OPN3: variants seen among roughly 807,000 people sequenced by gnomAD.
OPN3 encodes the protein opsin-3.
In OPN3, 29 loss-of-function variants were observed where a neutral mutation model predicts 33.8. The observed-to-expected ratio is 0.86, with a 90% CI of 0.64 to 1.17. The LOEUF (loss-of-function observed/expected upper bound fraction) is 1.17, where lower values mean the gene tolerates loss of function less well. Ranked by LOEUF, OPN3 falls within the 50% of genes most tolerant of loss-of-function variation. The probability of loss-of-function intolerance (pLI) is 0.00; values close to 1 mark genes in which losing one functional copy is unlikely to be tolerated. For synonymous variants in OPN3, 216 were observed against 216.1 expected, an observed-to-expected ratio of 1.00 and a Z score of 0.00; for missense variants, 437 against 514.1, an observed-to-expected ratio of 0.85 and a Z score of 1.45.
Position 241,639,939 on chromosome 1 carries a change from C to T in OPN3, c.316G>A (p.Gly106Ser), listed in dbSNP as rs750976831. The T allele has an allele frequency of 9.9e-6, 16 of 1,608,070 alleles. No individual in the cohort carries two copies. The African/African-American group carries it at 1.8e-4, about 18-fold the overall frequency. Residue 106 changes from glycine (G) to serine (S), a missense_variant, in exon 1 of 4, where the codon GGC (glycine) becomes AGC (serine). Physicochemically the swap from Gly to Ser is moderately conservative, Grantham distance 56. Transcript: ENST00000366554. ...TFTFVSCLRN[G>S]WVWDTVGCVW... ...CAGCCCACGGTGTCCCACACCCAGC[C>T]GTTCCTCAGGCAGGACACGAAGGTA... is the stretch of plus-strand genomic sequence containing the variant.
In OPN3 at chr1:241,604,555, G is replaced by A. The variant is rs752601680; in HGVS notation, c.398C>T (p.Thr133Ile). The A allele has an allele frequency of 2.5e-6, 4 of 1,611,764 alleles. No individual in the cohort carries two copies. In the South Asian group the frequency reaches 3.3e-5, roughly 13 times the overall value. Residue 133 changes from threonine (T) to isoleucine (I), a missense_variant, in exon 2 of 4, where the codon ACC becomes ATC. Thr to Ile is a moderately conservative substitution (Grantham distance 89). Coordinates refer to ENST00000366554, the MANE Select transcript of OPN3 (RefSeq NM_014322.3). ...AATGTAACGTTCATAGGCCAGCACGGTTAGGGTGGCAATGGAAACAATCCC... is the reference window on the plus strand; with the variant it reads ...AATGTAACGTTCATAGGCCAGCACGATTAGGGTGGCAATGGAAACAATCCC... ...LFGIVSIATL[T>I]VLAYERYIRV...
chr1:241,628,914 AG>A (rs2148018983), intron 1 of OPN3: 1 of 152,738 alleles, frequency 6.5e-6, no homozygotes, highest in African/African-American at 2.4e-5. Flanking sequence ...ATTTAACAGA[AG>A]AAAAATAAAG....
chr1:241,593,427 T>A lies in OPN3; in HGVS notation c.*1001A>T, dbSNP rs773400433. 8.6e-4 allele frequency: 328 copies of A among 381,076 alleles called. No homozygotes were observed. Among genetic ancestry groups the A allele is most frequent in the Non-Finnish European group, 1.6e-3 (272 of 166,400 alleles). 23.6% of individuals were successfully genotyped at this position (381,076 alleles called of 1,614,324 possible). A position where few individuals can be genotyped will look rare whatever the true frequency, so the allele number is the denominator to read the frequency against. ...TTATGAAGATGAAACACTAGAGTCA[T>A]ATAAGAAATAAAAATTGGGCAATAA... On this transcript the variant is annotated 3_prime_UTR_variant, in exon 4 of 4. Transcript: ENST00000366554.
intron 1 of OPN3, chr1:241,635,968 T>G: frequency 1.8e-6 from 1 of 570,966 alleles, no homozygotes; most frequent in Admixed American, 3.5e-5. Context: ...GTACATCTAA[T>G]CACATCTGAG....
At chr1:241,629,841 T>C (rs769889283) in intron 1 of OPN3, 2 of 152,114 alleles carry the variant, frequency 1.3e-5, no homozygotes, top group Non-Finnish European at 2.9e-5. Flanking sequence ...CAGTTAAACT[T>C]TCTACTTGGC....
chr1:241,621,572 C>T (rs1396084403), intron 1 of OPN3, among the ~76,000 whole-genome samples: 1 of 152,076 alleles, frequency 6.6e-6, no homozygotes, highest in Non-Finnish European at 1.5e-5. Flanking sequence ...ACCTATTCTA[C>T]TACCTGGTAC....
At chr1:241,620,376 T>C (rs1346137237) in intron 1 of OPN3, among the ~76,000 whole-genome samples, 1 of 152,220 alleles carries the variant, frequency 6.6e-6, no homozygotes, top group African/African-American at 2.4e-5. Flanking sequence ...GCTGAAACCC[T>C]AACCCTCAGA....
intron 1 of OPN3, chr1:241,635,863 C>T: frequency 7.9e-7 from 1 of 1,261,730 alleles, no homozygotes; most frequent in Admixed American, 2.5e-5. Context: ...TCCAGTTATC[C>T]CAGAAGCACT....
chr1:241,597,937 T>G lies in OPN3; in HGVS notation c.754A>C (p.Lys252Gln). The change falls in exon 3 of 4, where the codon AAA becomes CAA. Residue 252 changes from lysine (K) to glutamine (Q), a missense_variant. By Grantham distance (53) the Lys-to-Gln change is moderately conservative. Transcript: ENST00000366554. The part of the protein sequence containing the change: ...QVIKILKYEK[K>Q]LAKMCFLMIF... Reference sequence around the variant, plus strand: ...ATTAAAAAGCACATTTTGGCCAGTTTCTTTTCATATTTTAAAATCTTGATC... The same window carrying G: ...ATTAAAAAGCACATTTTGGCCAGTTGCTTTTCATATTTTAAAATCTTGATC... The G allele has an allele frequency of 6.2e-7, 1 of 1,613,812 alleles. No individual in the cohort carries two copies. The highest frequency in any genetic ancestry group is 8.5e-7 in the Non-Finnish European group (1 of 1,179,964).
chr1:241,628,452 G>C (rs186871906), intron 1 of OPN3, among the ~76,000 whole-genome samples: 6 of 152,178 alleles, frequency 3.9e-5, no homozygotes, highest in Non-Finnish European at 2.9e-5. Context: ...AGGGTCTGTC[G>C]CATCCTCAGT....
intron 1 of OPN3, chr1:241,635,886 C>A: frequency 1.0e-6 from 1 of 994,412 alleles, no homozygotes; most frequent in Middle Eastern, 2.4e-4. Flanking sequence ...AGTTGCAGGT[C>A]CTAGCTGTTT....
chr1:241,594,894 C>G (rs969009411), intron 3 of OPN3: 1 of 580,802 alleles, frequency 1.7e-6, no homozygotes, highest in African/African-American at 1.9e-5. Context: ...TCTTATTAAC[C>G]GGAATATGTA....
At chr1:241,620,233 A>C (rs1664239211) in intron 1 of OPN3, among the ~76,000 whole-genome samples, 1 of 132,606 alleles carries the variant, frequency 7.5e-6, no homozygotes, top group Admixed American at 8.0e-5. Context: ...ATTGTTCAGT[A>C]GAAATATAAT....
chr1:241,601,637 C>T (rs753926285), intron 2 of OPN3, among the ~76,000 whole-genome samples: 36 of 152,036 alleles, frequency 2.4e-4, no homozygotes, highest in African/African-American at 5.6e-4. Flanking sequence ...ACCTGTGAGG[C>T]GGAGGTTGCA....
chr1:241,639,765 G>A, intron 1 of OPN3, 117 bp downstream of exon 1: 2 of 1,065,948 alleles, frequency 1.9e-6, no homozygotes, highest in African/African-American at 1.8e-5. Context: ...GGCGGGGGGC[G>A]CGGGGCCGAG....
intron 1 of OPN3, chr1:241,615,935 A>G (rs991613433): frequency 1.3e-5 from 6 of 456,682 alleles, no homozygotes; most frequent in Admixed American, 7.0e-5. Context: ...GGCTGATCCA[A>G]CCTAGAGGCA....
At chr1:241,635,815 G>A (rs1158780806) in intron 1 of OPN3, 5 of 1,530,682 alleles carry the variant, frequency 3.3e-6, no homozygotes, top group Non-Finnish European at 4.4e-6. Flanking sequence ...AAGAAATGAG[G>A]TGTGATTATG....
chr1:241,597,539 C>G (rs921655929), intron 3 of OPN3, among the ~76,000 whole-genome samples: 1 of 152,002 alleles, frequency 6.6e-6, no homozygotes, highest in Non-Finnish European at 1.5e-5. Flanking sequence ...TTCTACCTAA[C>G]AAGTGTGAAT....
At chr1:241,598,113 C>G (rs1663586627) in intron 2 of OPN3, 116 bp from the exon 3 acceptor site, 1 of 1,157,476 alleles carries the variant, frequency 8.6e-7, no homozygotes, top group Non-Finnish European at 1.2e-6. Context: ...GGAAAGAGAA[C>G]TGAATGGCAC....
Sources: gnomAD v4.1 joint callset for allele counts (sites outside exome capture counted in the v4.1 genomes callset) on GRCh38, gnomAD v4.1.1 for gene constraint, MANE v1.5 for transcripts, NCBI Gene and HGNC (gene_info 2026-07-23, HGNC 2026-07-21) for gene names.